Variants in TIAM2 observed in about 807,000 individuals in gnomAD.
TIAM2 encodes rho guanine nucleotide exchange factor TIAM2.
Under a neutral mutation model 152.9 loss-of-function variants are expected in TIAM2, and 80 were observed. The ratio of observed to expected loss-of-function variants is 0.52; its 90% CI spans 0.44 to 0.63. The LOEUF is 0.63. TIAM2 is among the 30% of genes least tolerant of loss of function. The pLI is 0.00. For missense variants in TIAM2, 1,965 were observed against 2,120.1 expected (o/e 0.93, Z 1.44); for synonymous variants, 804 against 838.0 (o/e 0.96, Z 0.70).
In TIAM2 at chr6:155,123,794, C is replaced by T. The variant is rs917669220; in HGVS notation, c.-117-3696C>T. 8.5e-5 allele frequency among the ~76,000 whole-genome samples: 13 copies of T among 152,080 alleles called. No homozygotes were observed. The East Asian group carries it at 1.5e-3, about 18-fold the overall frequency. ...CAAAGAGAGGTGGTTGAGGAGTGAGCGGCCGGGAGCCTTTCGCCTCCAGTG... is the reference window on the plus strand; with the variant it reads ...CAAAGAGAGGTGGTTGAGGAGTGAGTGGCCGGGAGCCTTTCGCCTCCAGTG... On this transcript the variant is annotated intron_variant, in intron 2 of 26. Transcript: ENST00000682666.
intron 19 of TIAM2, among the ~76,000 whole-genome samples, chr6:155,247,547 C>G (rs1389749953): frequency 6.6e-6 from 1 of 152,140 alleles, no homozygotes. Context: ...AGGCTGGTCT[C>G]GAACTCGTGA....
intron 10 of TIAM2, among the ~76,000 whole-genome samples, chr6:155,178,439 A>G (rs1780812296): frequency 6.6e-6 from 1 of 152,114 alleles, no homozygotes; most frequent in African/African-American, 2.4e-5. Context: ...GATAAGATTT[A>G]TTTTACTGTC....
chr6:155,045,074 A>T (rs7356859), intron 1 of TIAM2, among the ~76,000 whole-genome samples: 1 of 141,062 alleles, frequency 7.1e-6, no homozygotes, highest in Non-Finnish European at 1.5e-5. Context: ...TTTTTGAGAC[A>T]GAGTCTAGCA....
At chr6:155,029,057 A>G (rs867513563) in intron 1 of TIAM2, among the ~76,000 whole-genome samples, 2 of 123,420 alleles carry the variant, frequency 1.6e-5, no homozygotes, top group Admixed American at 8.8e-5. Flanking sequence ...TGTTATATAT[A>G]CACTGTATAT....
intron 1 of TIAM2, among the ~76,000 whole-genome samples, chr6:155,056,902 C>T (rs966755538): frequency 1.3e-5 from 2 of 151,738 alleles, no homozygotes; most frequent in African/African-American, 4.8e-5. Flanking sequence ...CATCATATCT[C>T]CTTTGCCTCC....
chr6:155,104,963 C>T (rs1303851597), intron 2 of TIAM2, among the ~76,000 whole-genome samples: 1 of 151,924 alleles, frequency 6.6e-6, no homozygotes, highest in African/African-American at 2.4e-5. Flanking sequence ...ATATGTAGAT[C>T]CTTTTTCTTT....
chr6:155,061,789 G>A (rs954496608), intron 1 of TIAM2, among the ~76,000 whole-genome samples: 3 of 152,028 alleles, frequency 2.0e-5, no homozygotes, highest in Non-Finnish European at 4.4e-5. Flanking sequence ...CTATCCTGAG[G>A]GTCCCTGACA....
At chr6:155,122,558 G>C (rs1321710567) in intron 2 of TIAM2, among the ~76,000 whole-genome samples, 1 of 151,840 alleles carries the variant, frequency 6.6e-6, no homozygotes, top group Non-Finnish European at 1.5e-5. Flanking sequence ...ATGTCATTGT[G>C]ATAAGTTTTT....
intron 1 of TIAM2, among the ~76,000 whole-genome samples, chr6:155,087,396 G>A (rs1304984302): frequency 6.6e-6 from 1 of 152,184 alleles, no homozygotes; most frequent in Non-Finnish European, 1.5e-5. Flanking sequence ...TTGTCAGTAT[G>A]ATGTATTTAG....
chr6:155,172,686 A>ATAT (rs1562341365), intron 9 of TIAM2, among the ~76,000 whole-genome samples: 3 of 19,640 alleles, frequency 1.5e-4, no homozygotes, highest in Non-Finnish European at 1.8e-4. Context: ...ATATATATAT[A>ATAT]TTTTTTTTTT....
At chr6:155,226,597 G>C (rs375377427) in intron 15 of TIAM2, among the ~76,000 whole-genome samples, 1 of 151,302 alleles carries the variant, frequency 6.6e-6, no homozygotes, top group Non-Finnish European at 1.5e-5. Context: ...CCCAGGAGGC[G>C]GAGGTTGCAG....
chr6:155,122,742 A>G (rs960488264), intron 2 of TIAM2, among the ~76,000 whole-genome samples: 2 of 151,490 alleles, frequency 1.3e-5, no homozygotes, highest in Non-Finnish European at 2.9e-5. Context: ...ACGTTATTAT[A>G]CTTCATATCT....
Position 155,222,641 on chromosome 6 carries a change from C to A in TIAM2, c.3168+11334C>A, listed in dbSNP as rs576660640. On this transcript the variant is annotated intron_variant, in intron 15 of 26. Coordinates refer to ENST00000682666, the MANE Select transcript of TIAM2 (RefSeq NM_012454.4). ...ACAAAAAAAAAAAACACAAAAAAAA[C>A]CATGGGTTTTTTGCCCTAAGTCTTA... is the stretch of plus-strand genomic sequence containing the variant. Among the ~76,000 whole-genome samples, 39 of 150,504 alleles carry A rather than the reference C, an allele frequency of 2.6e-4. 2 individuals are homozygous for A. In the East Asian group the frequency reaches 6.7e-3, roughly 26 times the overall value.
chr6:155,134,809 G>T (rs538906254), intron 4 of TIAM2, among the ~76,000 whole-genome samples: 203 of 152,132 alleles, frequency 1.3e-3, no homozygotes, highest in Non-Finnish European at 2.1e-3. Flanking sequence ...GGGTTCAAGC[G>T]ATTCTCCTGC....
intron 14 of TIAM2, among the ~76,000 whole-genome samples, chr6:155,187,080 CACTTGTTTGGGCTTAT>C (rs1781056917): frequency 6.6e-6 from 1 of 152,088 alleles, no homozygotes; most frequent in Admixed American, 6.6e-5. Context: ...AAGCCTTAAG[CACTTGTTTGGGCTTAT>C]GTTGCCCTTC....
chr6:155,012,088 A>G (rs1308305880), intron 1 of TIAM2, among the ~76,000 whole-genome samples: 1 of 152,232 alleles, frequency 6.6e-6, no homozygotes, highest in Non-Finnish European at 1.5e-5. Flanking sequence ...TTATAGAAAG[A>G]AAAAAAGGAG....
At chr6:154,998,877 A>G (rs895831542) in intron 1 of TIAM2, among the ~76,000 whole-genome samples, 25 of 152,162 alleles carry the variant, frequency 1.6e-4, no homozygotes, top group African/African-American at 5.6e-4. Context: ...TGTATATTCC[A>G]TCATTGGCCT....
intron 10 of TIAM2, among the ~76,000 whole-genome samples, chr6:155,178,263 G>A (rs1433625505): frequency 2.6e-5 from 4 of 151,340 alleles, no homozygotes; most frequent in African/African-American, 7.3e-5. Flanking sequence ...ATATGCATGC[G>A]AGAGAAAATA....
chr6:155,115,157 AGTT>A, intron 2 of TIAM2, among the ~76,000 whole-genome samples: 1 of 135,220 alleles, frequency 7.4e-6, no homozygotes. Flanking sequence ...GAATCCTGAA[AGTT>A]AAATTGTACT....
Sources: allele counts gnomAD v4.1 joint callset (sites outside exome capture counted in the v4.1 genomes callset), GRCh38; gene constraint gnomAD v4.1.1; transcripts MANE v1.5; gene names NCBI Gene and HGNC (gene_info 2026-07-23, HGNC 2026-07-21).